USP34: variants seen among roughly 807,000 people sequenced by gnomAD.
USP34 encodes the protein ubiquitin carboxyl-terminal hydrolase 34.
Under a neutral mutation model 460.3 loss-of-function variants are expected in USP34, and 70 were observed. That is an observed-to-expected ratio of 0.15 (90% CI 0.13 to 0.19). USP34 has a LOEUF of 0.19. Among genes scored for constraint, USP34 ranks in the 10% least tolerant of loss-of-function variants. USP34 has a pLI of 1.00. For missense variants in USP34, 3,985 were observed against 4,236.2 expected (o/e 0.94, Z 1.65); for synonymous variants, 1,647 against 1,405.3 (o/e 1.17, Z -3.85).
At chr2:61,424,393 G>A (rs115219852) in intron 1 of USP34, among the ~76,000 whole-genome samples, 3,958 of 152,218 alleles carry the variant, frequency 0.026, 69 homozygotes, top group Non-Finnish European at 0.039. Context: ...CCAAAACATC[G>A]TTACTCGGTG....
chr2:61,236,674 T>A (rs180944911), intron 53 of USP34, among the ~76,000 whole-genome samples: 1 of 152,332 alleles, frequency 6.6e-6, no homozygotes, highest in East Asian at 1.9e-4. Context: ...AGAGCAAGTA[T>A]ATAATTGAAT....
At position 61,463,795 on chromosome 2, in the gene USP34, T is replaced by C. The variant is rs527703721; in HGVS notation, c.43+6855A>G. Reference sequence around the variant, plus strand: ...GTTGCAATGAGCCGAGATCATGCCATTGCACACCAGCCTGGGCAACAGGAA... The same window carrying C: ...GTTGCAATGAGCCGAGATCATGCCACTGCACACCAGCCTGGGCAACAGGAA... On this transcript the variant is annotated intron_variant, in intron 1 of 79. Transcript: ENST00000398571. 1.3e-4 allele frequency among the ~76,000 whole-genome samples: 20 copies of C among 151,624 alleles called. 1 individual carries two copies. The highest frequency in any genetic ancestry group is 3.4e-3 in the Middle Eastern group (1 of 294).
intron 5 of USP34, among the ~76,000 whole-genome samples, chr2:61,391,101 A>C (rs1013628386): frequency 6.6e-6 from 1 of 151,948 alleles, no homozygotes; most frequent in African/African-American, 2.4e-5. Context: ...CTCAAAAAAA[A>C]AACGAAAAAA....
chr2:61,342,463 G>T (rs1691634891), intron 16 of USP34, among the ~76,000 whole-genome samples: 1 of 148,396 alleles, frequency 6.7e-6, no homozygotes, highest in African/African-American at 2.4e-5. Context: ...ACCATACGCA[G>T]CTAATTTATT....
At chr2:61,461,154 G>T (rs1283526579) in intron 1 of USP34, among the ~76,000 whole-genome samples, 1 of 151,940 alleles carries the variant, frequency 6.6e-6, no homozygotes, top group Non-Finnish European at 1.5e-5. Context: ...ATTTTGGGAG[G>T]CTGAGGCAGG....
At chr2:61,351,646 T>C (rs889624669) in intron 10 of USP34, among the ~76,000 whole-genome samples, 2 of 152,162 alleles carry the variant, frequency 1.3e-5, no homozygotes, top group Non-Finnish European at 2.9e-5. Context: ...TTATATTTTG[T>C]AGGCATACAC....
At chr2:61,401,556 T>C (rs1270397778) in intron 3 of USP34, among the ~76,000 whole-genome samples, 1 of 135,506 alleles carries the variant, frequency 7.4e-6, no homozygotes, top group East Asian at 2.2e-4. Flanking sequence ...TTTTTTTTTT[T>C]TTTTTTTTTT....
intron 39 of USP34, among the ~76,000 whole-genome samples, chr2:61,279,835 G>A (rs539728221): frequency 6.6e-6 from 1 of 152,176 alleles, no homozygotes; most frequent in Non-Finnish European, 1.5e-5. Flanking sequence ...AAGAAAATTA[G>A]ATATGCAAAA....
chr2:61,280,522 A>G (rs529827862), intron 38 of USP34, among the ~76,000 whole-genome samples, 174 bp from the exon 39 acceptor site: 1 of 152,226 alleles, frequency 6.6e-6, no homozygotes, highest in African/African-American at 2.4e-5. Flanking sequence ...ATAACCAGGC[A>G]AAAAAATGAC....
Position 61,454,076 on chromosome 2 carries a change from T to C in USP34, c.43+16574A>G, listed in dbSNP as rs549241550. Among the ~76,000 whole-genome samples the C allele has an allele frequency of 1.4e-4, 21 of 152,290 alleles. 1 individual carries two copies. The highest frequency in any genetic ancestry group is 5.1e-4 in the African/African-American group (21 of 41,554). On this transcript the variant is annotated intron_variant, in intron 1 of 79. Coordinates refer to ENST00000398571, the MANE Select transcript of USP34 (RefSeq NM_014709.4). ...ACCAAAATTTTAACAATCACAAGGT[T>C]TGTATTTCTTCAGTATTTTCTACAG...
intron 56 of USP34, 33 bp from the exon 57 acceptor site, chr2:61,235,943 C>G: frequency 6.2e-7 from 1 of 1,601,376 alleles, no homozygotes; most frequent in Non-Finnish European, 8.5e-7. Flanking sequence ...AGCATATGAA[C>G]TTCTGAGCCA....
chr2:61,369,469 C>T (rs1376345578), intron 10 of USP34, among the ~76,000 whole-genome samples: 1 of 151,832 alleles, frequency 6.6e-6, no homozygotes, highest in Non-Finnish European at 1.5e-5. Flanking sequence ...ATAGCGAAAC[C>T]TTATCTCTAC....
chr2:61,462,966 G>C (rs1029723267), intron 1 of USP34, among the ~76,000 whole-genome samples: 2 of 151,674 alleles, frequency 1.3e-5, no homozygotes, highest in African/African-American at 4.8e-5. Flanking sequence ...AGGAGGTCAA[G>C]TTATAGTAAG....
chr2:61,294,937 A>T lies in USP34; in HGVS notation c.4461+12T>A, dbSNP rs371932427. ...TTTTTATCAATACATTGAAAAACAC[A>T]TATGATCAAACCTTGCAACTCCAGG... On this transcript the variant is annotated intron_variant, in intron 32 of 79. Coordinates refer to ENST00000398571, the MANE Select transcript of USP34 (RefSeq NM_014709.4). The T allele has an allele frequency of 1.2e-6, 2 of 1,600,628 alleles. No individual in the cohort carries two copies. The highest frequency in any genetic ancestry group is 1.7e-6 in the Non-Finnish European group (2 of 1,172,874).
At chr2:61,400,953 C>T (rs1693698521) in intron 3 of USP34, among the ~76,000 whole-genome samples, 1 of 151,838 alleles carries the variant, frequency 6.6e-6, no homozygotes, top group South Asian at 2.1e-4. Context: ...TGATTGAGAC[C>T]ATCCTGGCCA....
At chr2:61,387,105 G>A (rs189790480) in intron 5 of USP34, among the ~76,000 whole-genome samples, 5 of 151,922 alleles carry the variant, frequency 3.3e-5, no homozygotes, top group East Asian at 1.9e-4. Flanking sequence ...CAGGTACTTC[G>A]CAAAAAAAAT....
intron 5 of USP34, among the ~76,000 whole-genome samples, chr2:61,394,267 A>G (rs753001225): frequency 2.6e-5 from 4 of 152,360 alleles, no homozygotes; most frequent in Non-Finnish European, 4.4e-5. Context: ...CAGGCATACT[A>G]TAATAGTAAC....
At chr2:61,319,945 A>G (rs1006987969) in intron 21 of USP34, among the ~76,000 whole-genome samples, 1 of 152,246 alleles carries the variant, frequency 6.6e-6, no homozygotes, top group African/African-American at 2.4e-5. Flanking sequence ...TTTAAGAAAG[A>G]TTAATACAAA....
At chr2:61,337,494 T>A (rs182132629) in intron 18 of USP34, among the ~76,000 whole-genome samples, 105 of 152,208 alleles carry the variant, frequency 6.9e-4, no homozygotes, top group African/African-American at 2.4e-3. Context: ...ACTCTGTTGC[T>A]CAGGGCTGGA....
Sources: gnomAD v4.1 joint callset for allele counts (sites outside exome capture counted in the v4.1 genomes callset) on GRCh38, gnomAD v4.1.1 for gene constraint, MANE v1.5 for transcripts, NCBI Gene and HGNC (gene_info 2026-07-23, HGNC 2026-07-21) for gene names.